SPECC1: variants seen among roughly 807,000 people sequenced by gnomAD.
The protein encoded by SPECC1 is sperm antigen with calponin homology and coiled-coil domains 1.
Under a neutral mutation model 104.1 loss-of-function variants are expected in SPECC1, and 62 were observed. That is an observed-to-expected ratio of 0.60 (90% CI 0.49 to 0.74). The LOEUF is 0.74. Ranked by LOEUF, SPECC1 falls within the 30% of genes least tolerant of loss-of-function variation. SPECC1 has a pLI of 0.00. For missense variants in SPECC1, 1,306 were observed against 1,310.5 expected (o/e 1.00, Z 0.05); for synonymous variants, 513 against 501.6 (o/e 1.02, Z -0.30).
At chr17:20,124,151 G>A (rs1380378306) in intron 3 of SPECC1, among the ~76,000 whole-genome samples, 3 of 152,136 alleles carry the variant, frequency 2.0e-5, no homozygotes, top group Admixed American at 6.5e-5. Flanking sequence ...AGAATGGGGT[G>A]GGGATGTGTA....
At chr17:20,163,256 A>G (rs2033336252) in intron 3 of SPECC1, among the ~76,000 whole-genome samples, 1 of 152,202 alleles carries the variant, frequency 6.6e-6, no homozygotes, top group Non-Finnish European at 1.5e-5. Flanking sequence ...GTTGTGGATA[A>G]TAAAAAAGTA....
intron 1 of SPECC1, among the ~76,000 whole-genome samples, chr17:20,060,301 G>T (rs1272702849): frequency 1.3e-5 from 2 of 152,168 alleles, no homozygotes; most frequent in Non-Finnish European, 2.9e-5. Context: ...CTTTGAAAGT[G>T]ACATGGAAAG....
At chr17:20,225,022 T>A (rs2038115581) in intron 4 of SPECC1, among the ~76,000 whole-genome samples, 1 of 152,214 alleles carries the variant, frequency 6.6e-6, no homozygotes, top group Non-Finnish European at 1.5e-5. Flanking sequence ...CTGCCAGGAC[T>A]GGGTCCTTCC....
Position 20,238,862 on chromosome 17 carries a change from A to G in SPECC1, c.2351+6457A>G, listed in dbSNP as rs574389071. ...TATTTTTATCTGTAAGCATTTATGAAGTGCAAAATAAACATGTTATTATAT... is the reference window on the plus strand; with the variant it reads ...TATTTTTATCTGTAAGCATTTATGAGGTGCAAAATAAACATGTTATTATAT... On this transcript the variant is annotated intron_variant, in intron 7 of 14. Coordinates refer to ENST00000395527, the MANE Select transcript of SPECC1 (RefSeq NM_001243439.2). 144 of 1,044,718 alleles carry G rather than the reference A, an allele frequency of 1.4e-4. 2 individuals are homozygous for G. In the South Asian group the frequency reaches 5.7e-3, roughly 41 times the overall value. 64.7% of individuals were successfully genotyped at this position (1,044,718 alleles called of 1,614,324 possible).
chr17:20,311,459 C>T (rs573903926), intron 14 of SPECC1, among the ~76,000 whole-genome samples: 2 of 151,896 alleles, frequency 1.3e-5, no homozygotes, highest in African/African-American at 2.4e-5. Context: ...GGCATGATCT[C>T]GGCTCACTGC....
chr17:20,274,606 T>C (rs910558244), intron 12 of SPECC1, among the ~76,000 whole-genome samples: 1 of 148,282 alleles, frequency 6.7e-6, no homozygotes, highest in African/African-American at 2.5e-5. Context: ...TCAGCCTCCC[T>C]AGTAGCTGGG....
chr17:20,223,885 A>G (rs910795930), intron 4 of SPECC1, among the ~76,000 whole-genome samples: 1 of 152,100 alleles, frequency 6.6e-6, no homozygotes, highest in African/African-American at 2.4e-5. Flanking sequence ...GATGGTCTTG[A>G]TGCTTGTGGA....
intron 1 of SPECC1, among the ~76,000 whole-genome samples, chr17:20,039,802 C>A (rs536164975): frequency 1.4e-3 from 208 of 152,180 alleles, no homozygotes; most frequent in African/African-American, 5.0e-3. Context: ...GGTGATCCAC[C>A]CGCCTTGGCC....
chr17:20,294,977 T>C (rs553141819), intron 12 of SPECC1, among the ~76,000 whole-genome samples: 6 of 151,972 alleles, frequency 3.9e-5, no homozygotes, highest in African/African-American at 1.2e-4. Context: ...TTTATTCTTA[T>C]GTTGCCTTAC....
In SPECC1 at chr17:20,204,556, A is replaced by C; in HGVS notation, c.507A>C (p.Gln169His). 6.2e-7 allele frequency: 1 copy of C among 1,614,218 alleles called. No homozygotes were observed. Among genetic ancestry groups the C allele is most frequent in the African/African-American group, 1.3e-5 (1 of 75,052 alleles). The change falls in exon 4 of 15, where the codon CAA (glutamine) becomes CAC (histidine). Residue 169 changes from glutamine to histidine, a missense_variant. Physicochemically the swap from Gln to His is conservative, Grantham distance 24. Transcript: ENST00000395527. ...EGGEKAALESQVRELLAEAKA... is the reference protein window; with the variant it reads ...EGGEKAALESHVRELLAEAKA... ...GAGAAAAGGCTGCGCTTGAGTCCCA[A>C]GTTCGGGAACTTTTGGCAGAAGCCA...
chr17:20,313,299 C>T (rs1272647666), intron 14 of SPECC1, among the ~76,000 whole-genome samples: 1 of 152,142 alleles, frequency 6.6e-6, no homozygotes, highest in Admixed American at 6.5e-5. Context: ...AGTAACAATG[C>T]TGGTAAAATA....
chr17:20,238,471 T>A, intron 7 of SPECC1: 1 of 1,042,576 alleles, frequency 9.6e-7, no homozygotes, highest in Non-Finnish European at 1.2e-6. Flanking sequence ...AGTGACGTTA[T>A]CCAAAGGATG....
In SPECC1 at chr17:20,019,069, G is replaced by A. The variant is rs535615184; in HGVS notation, c.-22+9645G>A. On this transcript the variant is annotated intron_variant, in intron 1 of 14. Transcript: ENST00000395527. Reference sequence around the variant, plus strand: ...GCCAAGGATTAACCATGCTTTTTATGAGACTTTTTAAGAATAACAGTCTTG... The same window carrying A: ...GCCAAGGATTAACCATGCTTTTTATAAGACTTTTTAAGAATAACAGTCTTG... 3.9e-5 allele frequency among the ~76,000 whole-genome samples: 6 copies of A among 152,190 alleles called. No individual in the cohort carries two copies. The South Asian group carries it at 1.2e-3, about 32-fold the overall frequency.
chr17:20,043,173 G>A (rs768476582), intron 1 of SPECC1, among the ~76,000 whole-genome samples: 1 of 152,152 alleles, frequency 6.6e-6, no homozygotes, highest in Admixed American at 6.5e-5. Flanking sequence ...CAGTTTTGGC[G>A]AGAAGCTGTG....
At chr17:20,058,304 AGCCT>A (rs1284289274) in intron 1 of SPECC1, among the ~76,000 whole-genome samples, 1 of 152,180 alleles carries the variant, frequency 6.6e-6, no homozygotes, top group African/African-American at 2.4e-5. Context: ...CATGTTGAAA[AGCCT>A]GATTGTCCAT....
At chr17:20,238,803 C>T in intron 7 of SPECC1, 2 of 1,045,224 alleles carry the variant, frequency 1.9e-6, no homozygotes, top group South Asian at 4.6e-5. Flanking sequence ...GTATTTGCAC[C>T]CTATATTTTG....
In SPECC1 at chr17:20,247,473, T is replaced by C. The variant is rs537737489; in HGVS notation, c.2598+154T>C. ...GCACTATGCATTATTCCAATACTTATTTCACTTTATCATCGGAATGTAAGC... is the reference window on the plus strand; with the variant it reads ...GCACTATGCATTATTCCAATACTTACTTCACTTTATCATCGGAATGTAAGC... On this transcript the variant is annotated intron_variant, in intron 9 of 14. Transcript: ENST00000395527. 8.5e-5 allele frequency among the ~76,000 whole-genome samples: 13 copies of C among 152,360 alleles called. No homozygotes were observed. The South Asian group carries it at 1.9e-3, about 22-fold the overall frequency.
chr17:20,255,534 T>C (rs2039794120), intron 10 of SPECC1, among the ~76,000 whole-genome samples: 1 of 152,264 alleles, frequency 6.6e-6, no homozygotes, highest in African/African-American at 2.4e-5. Flanking sequence ...TCTGTTCCAC[T>C]AGCCTTAAAG....
chr17:20,196,214 C>G (rs1243680847), intron 3 of SPECC1, among the ~76,000 whole-genome samples: 2 of 152,200 alleles, frequency 1.3e-5, no homozygotes, highest in African/African-American at 4.8e-5. Flanking sequence ...TCCTTACACA[C>G]CTTACAGGTA....
Sources: allele counts gnomAD v4.1 joint callset (sites outside exome capture counted in the v4.1 genomes callset), GRCh38; gene constraint gnomAD v4.1.1; transcripts MANE v1.5; gene names NCBI Gene and HGNC (gene_info 2026-07-23, HGNC 2026-07-21).